Variants in ARHGAP8 observed in about 807,000 individuals in gnomAD.
ARHGAP8 encodes Rho GTPase activating protein 8.
Under a neutral mutation model 46.1 loss-of-function variants are expected in ARHGAP8, and 62 were observed. The observed-to-expected ratio is 1.34, with a 90% CI of 1.10 to 1.66. ARHGAP8 has a LOEUF of 1.66. Among genes scored for constraint, ARHGAP8 ranks in the 40% most tolerant of loss-of-function variants. The probability of loss-of-function intolerance (pLI) is 0.00; values close to 1 mark genes in which losing one functional copy is unlikely to be tolerated. For missense variants in ARHGAP8, 923 were observed against 568.4 expected (o/e 1.62, Z -6.34); for synonymous variants, 375 against 243.1 (o/e 1.54, Z -5.05).
At chr22:44,824,350 A>G (rs567861249) in intron 6 of ARHGAP8, among the ~76,000 whole-genome samples, 8 of 152,226 alleles carry the variant, frequency 5.3e-5, no homozygotes, top group African/African-American at 1.2e-4. Flanking sequence ...CGCACGTGGT[A>G]GCAGCTCACA....
At chr22:44,803,008 TGCC>T (rs1255866379) in intron 3 of ARHGAP8, among the ~76,000 whole-genome samples, 2 of 148,964 alleles carry the variant, frequency 1.3e-5, no homozygotes, top group Admixed American at 1.3e-4. Context: ...CTGCTGCTGC[TGCC>T]GCCACCACTG....
intron 7 of ARHGAP8, 105 bp from the exon 8 acceptor site, chr22:44,845,164 G>A (rs1296821020): frequency 1.4e-6 from 2 of 1,389,902 alleles, no homozygotes; most frequent in South Asian, 1.3e-5. Context: ...ACAGTGCCTG[G>A]GTCCTGTGTT....
chr22:44,798,176 A>G (rs1170454922), intron 2 of ARHGAP8, among the ~76,000 whole-genome samples: 4 of 150,636 alleles, frequency 2.7e-5, no homozygotes, highest in Admixed American at 6.6e-5. Flanking sequence ...GGGTTTCACC[A>G]TGTTAGCCAG....
intron 7 of ARHGAP8, among the ~76,000 whole-genome samples, chr22:44,826,330 C>T (rs893293064): frequency 2.6e-5 from 4 of 152,162 alleles, no homozygotes; most frequent in South Asian, 2.1e-4. Context: ...TCATTGTTAC[C>T]GCAGCGTAAC....
intron 1 of ARHGAP8, among the ~76,000 whole-genome samples, chr22:44,769,974 A>G (rs1014690634): frequency 2.6e-5 from 4 of 152,230 alleles, no homozygotes; most frequent in South Asian, 4.2e-4. Context: ...TGATTGGCGC[A>G]GTGGCTCAAG....
In ARHGAP8 at chr22:44,860,678, C is replaced by T. The variant is rs914846809; in HGVS notation, c.981+844C>T. Among the ~76,000 whole-genome samples the T allele has an allele frequency of 2.6e-5, 4 of 152,178 alleles. No individual in the cohort carries two copies. In the South Asian group the frequency reaches 8.3e-4, roughly 32 times the overall value. On this transcript the variant is annotated intron_variant, in intron 11 of 11. Coordinates refer to ENST00000356099, the MANE Select transcript of ARHGAP8 (RefSeq NM_181335.3). ...GCAAATGACCAGAGAGAGAGAAACC[C>T]TTCAGTGCTCTGGGCCTGGGCTTAG... is the stretch of plus-strand genomic sequence containing the variant.
At chr22:44,796,654 A>C (rs1928109464) in intron 2 of ARHGAP8, among the ~76,000 whole-genome samples, 1 of 152,042 alleles carries the variant, frequency 6.6e-6, no homozygotes. Context: ...GATGGGCCCA[A>C]AGGGGAGGCC....
chr22:44,850,594 C>G (rs1161774864), intron 10 of ARHGAP8: 1 of 152,182 alleles, frequency 6.6e-6, no homozygotes, highest in Non-Finnish European at 1.5e-5. Context: ...GGCGAACTTA[C>G]TGTTTGTTCC....
chr22:44,797,854 C>G (rs1360500713), intron 2 of ARHGAP8, among the ~76,000 whole-genome samples: 1 of 152,268 alleles, frequency 6.6e-6, no homozygotes, highest in East Asian at 1.9e-4. Flanking sequence ...GTTGCCCAGG[C>G]TGCAGTGTAG....
chr22:44,861,479 C>T (rs763894033), intron 11 of ARHGAP8, among the ~76,000 whole-genome samples: 3 of 152,098 alleles, frequency 2.0e-5, no homozygotes, highest in Admixed American at 1.3e-4. Flanking sequence ...CAGGGGGAGC[C>T]TGAAAGGCAT....
At chr22:44,857,257 C>A (rs1419064713) in intron 10 of ARHGAP8, among the ~76,000 whole-genome samples, 1 of 152,076 alleles carries the variant, frequency 6.6e-6, no homozygotes, top group East Asian at 1.9e-4. Flanking sequence ...AGAATTCTTT[C>A]TTTTGGCCGG....
At chr22:44,800,555 T>G (rs933847217) in intron 2 of ARHGAP8, among the ~76,000 whole-genome samples, 4 of 142,344 alleles carry the variant, frequency 2.8e-5, no homozygotes, top group African/African-American at 8.0e-5. Context: ...TGTCCATGTG[T>G]GGGGGGCGCC....
At chr22:44,811,996 C>CA (rs80292686) in intron 4 of ARHGAP8, among the ~76,000 whole-genome samples, 13,190 of 131,200 alleles carry the variant, frequency 0.1, 746 homozygotes, top group African/African-American at 0.16. Flanking sequence ...AACTCTGTTT[C>CA]AAAAAAAAAA....
intron 7 of ARHGAP8, among the ~76,000 whole-genome samples, chr22:44,831,742 T>C (rs989182847): frequency 7.9e-5 from 12 of 152,176 alleles, no homozygotes; most frequent in Non-Finnish European, 1.8e-4. Flanking sequence ...CATTCAGTTG[T>C]CTTGGTACCT....
chr22:44,805,693 C>G (rs1388647937), intron 3 of ARHGAP8, among the ~76,000 whole-genome samples: 2 of 152,158 alleles, frequency 1.3e-5, no homozygotes, highest in African/African-American at 4.8e-5. Flanking sequence ...GCATCTTTTT[C>G]TAACTCATGC....
Position 44,854,024 on chromosome 22 carries a change from CAAAAAAAAAAAAAAAAA to C in ARHGAP8, c.877+4986_877+5002del, listed in dbSNP as rs71315119. 1.0e-2 allele frequency among the ~76,000 whole-genome samples: 431 copies of C among 43,264 alleles called. 5 individuals carry two copies. The highest frequency in any genetic ancestry group is 0.075 in the East Asian group (107 of 1,430). The allele number at this position is 43,264 out of a possible 152,430, so 28.4% of individuals were successfully genotyped here. ...CCTGGGACACAGCGAGACTCTGTCT[CAAAAAAAAAAAAAAAAA>C]AAAAAAAAAAAAAAAAAAAAACCAT... On this transcript the variant is annotated intron_variant, in intron 10 of 11. Transcript: ENST00000356099.
intron 7 of ARHGAP8, among the ~76,000 whole-genome samples, chr22:44,826,187 G>A (rs961106193): frequency 6.6e-6 from 1 of 152,102 alleles, no homozygotes; most frequent in Admixed American, 6.5e-5. Flanking sequence ...ATAGGCCTGG[G>A]TCCGGTAGAG....
intron 7 of ARHGAP8, among the ~76,000 whole-genome samples, chr22:44,831,744 T>C (rs914755539): frequency 6.6e-6 from 1 of 152,178 alleles, no homozygotes; most frequent in Non-Finnish European, 1.5e-5. Context: ...TTCAGTTGTC[T>C]TGGTACCTTG....
chr22:44,787,739 C>G (rs1056289629), intron 2 of ARHGAP8, among the ~76,000 whole-genome samples: 3 of 152,058 alleles, frequency 2.0e-5, no homozygotes, highest in African/African-American at 4.8e-5. Flanking sequence ...GCTCCATAAT[C>G]ATTAGCTGTC....
Sources: gnomAD v4.1 joint callset for allele counts (sites outside exome capture counted in the v4.1 genomes callset) on GRCh38, gnomAD v4.1.1 for gene constraint, MANE v1.5 for transcripts, NCBI Gene and HGNC (gene_info 2026-07-23, HGNC 2026-07-21) for gene names.